Variants in FAT3 observed in about 807,000 individuals in gnomAD.
FAT3 encodes the protein protocadherin Fat 3.
In FAT3, 95 loss-of-function variants were observed where a neutral mutation model predicts 310.2. The observed-to-expected ratio is 0.31, with a 90% CI of 0.26 to 0.36. FAT3 has a LOEUF of 0.36. Among genes scored for constraint, FAT3 ranks in the 10% least tolerant of loss-of-function variants. FAT3 has a pLI of 1.00. For synonymous variants in FAT3, 2,314 were observed against 2,192.9 expected, an observed-to-expected ratio of 1.06 and a Z score of -1.54; for missense variants, 5,408 against 5,715.6, an observed-to-expected ratio of 0.95 and a Z score of 1.74.
At position 92,857,237 on chromosome 11, in the gene FAT3, G is replaced by A. The variant is rs771733194; in HGVS notation, c.11389G>A (p.Asp3797Asn). 2 of 1,613,970 alleles carry A rather than the reference G, an allele frequency of 1.2e-6. No individual in the cohort carries two copies. Among genetic ancestry groups the A allele is most frequent in the East Asian group, 2.2e-5 (1 of 44,866 alleles). Reference sequence around the variant, plus strand: ...AGGAGGACTGTGTCCGGGGTCCAACGATCCTTGTGTGGAGAAGCCGTGTCC... The same window carrying A: ...AGGAGGACTGTGTCCGGGGTCCAACAATCCTTGTGTGGAGAAGCCGTGTCC... ...CNGGLCPGSNDPCVEKPCPGD... is the reference protein window; with the variant it reads ...CNGGLCPGSNNPCVEKPCPGD... Residue 3797 changes from aspartate to asparagine, a missense_variant, in exon 20 of 28, where the codon GAT (aspartate) becomes AAT (asparagine). By Grantham distance (23) the Asp-to-Asn change is conservative (BLOSUM62 1). Transcript: ENST00000525166.
At chr11:92,315,512 T>TATATAGAGAGAGAGAG (rs1353970811) in intron 1 of FAT3, among the ~76,000 whole-genome samples, 5 of 56,172 alleles carry the variant, frequency 8.9e-5, no homozygotes, top group Non-Finnish European at 1.7e-4. Flanking sequence ...TATATATATA[T>TATATAGAGAGAGAGAG]AGAGAGAGAG....
chr11:92,275,393 C>T (rs1397617831), intron 1 of FAT3, among the ~76,000 whole-genome samples: 1 of 152,042 alleles, frequency 6.6e-6, no homozygotes, highest in African/African-American at 2.4e-5. Context: ...TGGCTTCAAC[C>T]TTATTCAACC....
At chr11:92,550,870 A>G (rs147654496) in intron 3 of FAT3, among the ~76,000 whole-genome samples, 2 of 150,930 alleles carry the variant, frequency 1.3e-5, no homozygotes, top group East Asian at 2.0e-4. Flanking sequence ...TTGGGTCTTT[A>G]AAGTGCTTAG....
At chr11:92,369,481 T>A (rs1949125069) in intron 2 of FAT3, among the ~76,000 whole-genome samples, 1 of 152,138 alleles carries the variant, frequency 6.6e-6, no homozygotes, top group Admixed American at 6.5e-5. Context: ...CAAGTTTGTA[T>A]GTGAGTGGAT....
At chr11:92,309,159 A>T (rs904865134) in intron 1 of FAT3, among the ~76,000 whole-genome samples, 1 of 75,888 alleles carries the variant, frequency 1.3e-5, no homozygotes, top group Admixed American at 1.7e-4. Context: ...GTTTCCCCAC[A>T]CCCCCCTTTC....
rs375917657 is a variant in FAT3 at position 92,566,474 on chromosome 11, T to C, written c.3607+41526T>C. ...TGGCCATACTGCCCAAGGTAATTTA[T>C]AGATTCAATGCCATCCCCATCAAGC... On this transcript the variant is annotated intron_variant, in intron 3 of 27. Transcript: ENST00000525166. Among the ~76,000 whole-genome samples, 1,083 of 147,854 alleles carry C rather than the reference T, an allele frequency of 7.3e-3. 3 individuals are homozygous for C. The highest frequency in any genetic ancestry group is 0.012 in the Non-Finnish European group (797 of 66,128).
intron 3 of FAT3, among the ~76,000 whole-genome samples, chr11:92,689,150 A>G: frequency 6.6e-6 from 1 of 152,188 alleles, no homozygotes. Flanking sequence ...AAGGACATGC[A>G]GCTGCCTAGA....
At chr11:92,397,220 T>C (rs1166020910) in intron 2 of FAT3, among the ~76,000 whole-genome samples, 2 of 152,114 alleles carry the variant, frequency 1.3e-5, no homozygotes, top group Non-Finnish European at 2.9e-5. Flanking sequence ...ATAAAAAAAA[T>C]TAACTGCGAT....
At chr11:92,603,201 C>G (rs1940112787) in intron 3 of FAT3, among the ~76,000 whole-genome samples, 1 of 152,180 alleles carries the variant, frequency 6.6e-6, no homozygotes, top group Non-Finnish European at 1.5e-5. Flanking sequence ...TTCTTCAACT[C>G]TCTGCCACTG....
intron 1 of FAT3, among the ~76,000 whole-genome samples, chr11:92,345,188 C>T (rs190480211): frequency 6.6e-6 from 1 of 152,040 alleles, no homozygotes; most frequent in Non-Finnish European, 1.5e-5. Flanking sequence ...CTCCCTGGAG[C>T]CTGCTGTAGA....
At chr11:92,532,020 A>G (rs1044656933) in intron 3 of FAT3, among the ~76,000 whole-genome samples, 1 of 152,106 alleles carries the variant, frequency 6.6e-6, no homozygotes. Context: ...GAACCATTGC[A>G]CTAACGTGGA....
intron 3 of FAT3, among the ~76,000 whole-genome samples, chr11:92,546,191 G>C (rs921292916): frequency 1.3e-5 from 2 of 152,178 alleles, no homozygotes; most frequent in African/African-American, 4.8e-5. Context: ...TGAAACTGTA[G>C]GGGTGGTGAT....
At chr11:92,564,489 G>C (rs1029635756) in intron 3 of FAT3, among the ~76,000 whole-genome samples, 24 of 151,222 alleles carry the variant, frequency 1.6e-4, no homozygotes, top group South Asian at 4.2e-4. Context: ...GAGACAGAAA[G>C]TCAACAAGGA....
intron 3 of FAT3, among the ~76,000 whole-genome samples, chr11:92,629,455 C>G (rs1219046998): frequency 6.8e-6 from 1 of 146,034 alleles, no homozygotes; most frequent in Non-Finnish European, 1.5e-5. Flanking sequence ...AGGTCTCACA[C>G]TGTTCACCCA....
intron 2 of FAT3, chr11:92,366,572 G>A: frequency 1.9e-6 from 1 of 515,856 alleles, no homozygotes; most frequent in Admixed American, 2.0e-5. Context: ...GCATGCGCCT[G>A]ATGGGCTTCA....
chr11:92,792,105 G>T (rs1465479735), intron 8 of FAT3, among the ~76,000 whole-genome samples: 1 of 152,064 alleles, frequency 6.6e-6, no homozygotes, highest in Non-Finnish European at 1.5e-5. Context: ...ACTTGTTCTT[G>T]TTACCTTTTT....
At chr11:92,330,210 CT>C (rs1237647689) in intron 1 of FAT3, among the ~76,000 whole-genome samples, 40 of 152,182 alleles carry the variant, frequency 2.6e-4, no homozygotes, top group Admixed American at 2.4e-3. Flanking sequence ...AAAATGAGAC[CT>C]TTTTGAAATA....
chr11:92,792,470 G>C (rs1947062849), intron 8 of FAT3, among the ~76,000 whole-genome samples: 1 of 152,130 alleles, frequency 6.6e-6, no homozygotes, highest in South Asian at 2.1e-4. Context: ...GGGAGAGCCA[G>C]AGCACAGTGC....
intron 3 of FAT3, among the ~76,000 whole-genome samples, chr11:92,541,480 G>A (rs181090366): frequency 2.1e-4 from 32 of 152,234 alleles, no homozygotes; most frequent in Admixed American, 1.8e-3. Context: ...ACTTGCCTCT[G>A]AGGAATTGAA....
Sources: gnomAD v4.1 joint callset for allele counts (sites outside exome capture counted in the v4.1 genomes callset) on GRCh38, gnomAD v4.1.1 for gene constraint, MANE v1.5 for transcripts, NCBI Gene and HGNC (gene_info 2026-07-23, HGNC 2026-07-21) for gene names.